The following ZRSR2 variants were observed in gnomAD, a reference collection of about 807,000 sequenced individuals.
ZRSR2 encodes the protein zinc finger CCCH-type, RNA binding motif and serine/arginine rich 2, also known as U2 small nuclear ribonucleoprotein auxiliary factor 35 kDa subunit-related protein 2.
In ZRSR2, 3 loss-of-function variants were observed where a neutral mutation model predicts 39.4. The ratio of observed to expected loss-of-function variants is 0.08; its 90% CI spans 0.03 to 0.20. ZRSR2 has a LOEUF of 0.20. Ranked by LOEUF, ZRSR2 falls within the 10% of genes least tolerant of loss-of-function variation. ZRSR2 has a pLI of 1.00. For missense variants in ZRSR2, 256 were observed against 391.5 expected (o/e 0.65, Z 2.92); for synonymous variants, 137 against 136.0 (o/e 1.01, Z -0.05).
chrX:15,818,062 C>T (rs1297253316), intron 8 of ZRSR2, among the ~76,000 whole-genome samples: 1 of 111,671 alleles, frequency 9.0e-6, no homozygotes, highest in Non-Finnish European at 1.9e-5. Context: ...TGGGTTTTGG[C>T]ATGCATATGA....
chrX:15,799,386 G>A (rs1932589923), intron 2 of ZRSR2, among the ~76,000 whole-genome samples: 1 of 108,560 alleles, frequency 9.2e-6, no homozygotes, highest in Non-Finnish European at 1.9e-5. Flanking sequence ...TTCTACTTAA[G>A]TTTTTCTCCA....
At chrX:15,818,725 G>T in intron 9 of ZRSR2, 83 bp downstream of exon 9, 1 of 727,205 alleles carries the variant, frequency 1.4e-6, no homozygotes, top group Admixed American at 3.1e-5. Context: ...TTTTTCCACT[G>T]GATATATAAC....
At chrX:15,818,193 C>T (rs978040497) in intron 8 of ZRSR2, among the ~76,000 whole-genome samples, 2 of 112,233 alleles carry the variant, frequency 1.8e-5, no homozygotes, top group African/African-American at 6.5e-5. Context: ...AGAGTGTTCA[C>T]CTATGTGATG....
intron 2 of ZRSR2, among the ~76,000 whole-genome samples, chrX:15,792,077 A>G (rs1243646356): frequency 8.9e-6 from 1 of 112,071 alleles, no homozygotes; most frequent in African/African-American, 3.2e-5. Flanking sequence ...AAGTGCTGGG[A>G]TTATAGGCAT....
rs1932845437 is a variant in ZRSR2, at chrX:15,809,325, A to C, written c.557+7A>C. ...CTTGCAGATTTGGAGATAGGTAACTAATTTTGTTTTATCATGTCAGAATGA... is the reference window on the plus strand; with the variant it reads ...CTTGCAGATTTGGAGATAGGTAACTCATTTTGTTTTATCATGTCAGAATGA... On this transcript the variant is annotated splice_region_variant and intron_variant, in intron 7 of 10. Coordinates refer to ENST00000307771, the MANE Select transcript of ZRSR2 (RefSeq NM_005089.4). The C allele has an allele frequency of 8.7e-7, 1 of 1,153,764 alleles. No individual in the cohort carries two copies. Among genetic ancestry groups the C allele is most frequent in the African/African-American group, 1.8e-5 (1 of 56,671 alleles).
At chrX:15,813,558 A>G (rs964141819) in intron 7 of ZRSR2, among the ~76,000 whole-genome samples, 1 of 112,098 alleles carries the variant, frequency 8.9e-6, no homozygotes, top group East Asian at 2.8e-4. Flanking sequence ...GCCAGATGGG[A>G]TTTTTCCCCA....
intron 2 of ZRSR2, among the ~76,000 whole-genome samples, chrX:15,793,519 A>G (rs753994162): frequency 9.0e-6 from 1 of 111,178 alleles, no homozygotes; most frequent in African/African-American, 3.3e-5. Context: ...TACTTCATGA[A>G]TACTGTAGAC....
intron 2 of ZRSR2, among the ~76,000 whole-genome samples, chrX:15,797,493 A>T (rs1361884675): frequency 1.8e-5 from 2 of 111,882 alleles, no homozygotes; most frequent in Non-Finnish European, 3.8e-5. Context: ...TCCAGGCATG[A>T]GCCACCACGC....
intron 3 of ZRSR2, among the ~76,000 whole-genome samples, chrX:15,803,227 C>T (rs1342824372): frequency 4.5e-5 from 5 of 110,542 alleles, no homozygotes; most frequent in Non-Finnish European, 1.9e-5. Context: ...CATGCCACTG[C>T]ACTCCAGCCT....
intron 3 of ZRSR2, among the ~76,000 whole-genome samples, chrX:15,800,186 CTTTTTTTTTTT>C (rs752445746): frequency 2.5e-5 from 2 of 79,307 alleles, no homozygotes; most frequent in African/African-American, 4.7e-5. Flanking sequence ...TTTTTTCTTT[CTTTTTTTTTTT>C]TTTTTTTTTA....
intron 8 of ZRSR2, among the ~76,000 whole-genome samples, chrX:15,816,491 A>G (rs1932979564): frequency 1.8e-5 from 2 of 112,032 alleles, no homozygotes; most frequent in Admixed American, 1.9e-4. Flanking sequence ...TATACAAACC[A>G]TGGTCTGTGA....
chrX:15,800,855 A>G (rs1018921916), intron 3 of ZRSR2, among the ~76,000 whole-genome samples: 1 of 112,277 alleles, frequency 8.9e-6, no homozygotes, highest in African/African-American at 3.2e-5. Flanking sequence ...TTGGTTTTTC[A>G]CTCATATGTA....
intron 1 of ZRSR2, 38 bp from the exon 2 acceptor site, chrX:15,790,896 T>TAGCC (rs1569061778): frequency 8.6e-7 from 1 of 1,161,269 alleles, no homozygotes; most frequent in Admixed American, 2.2e-5. Context: ...CGCTGCATTG[T>TAGCC]AGCCGCTGAT....
chrX:15,803,440 C>CAT (rs1601814130), intron 3 of ZRSR2, among the ~76,000 whole-genome samples: 1 of 111,323 alleles, frequency 9.0e-6, no homozygotes, highest in African/African-American at 3.3e-5. Context: ...ATGTCACAGC[C>CAT]ATATATACCT....
chrX:15,803,943 C>CAA (rs1932751573), intron 4 of ZRSR2, 147 bp downstream of exon 4: 1 of 656,809 alleles, frequency 1.5e-6, no homozygotes, highest in Admixed American at 7.5e-5. Flanking sequence ...AACTCCATCT[C>CAA]AAAAAGAAAA....
At chrX:15,813,787 A>G (rs1172401399) in intron 7 of ZRSR2, among the ~76,000 whole-genome samples, 2 of 111,902 alleles carry the variant, frequency 1.8e-5, no homozygotes, top group Non-Finnish European at 3.8e-5. Flanking sequence ...TTCTATCAGT[A>G]GTTGGGAAGA....
chrX:15,809,911 G>GT (rs1932854038), intron 7 of ZRSR2, among the ~76,000 whole-genome samples: 1 of 112,431 alleles, frequency 8.9e-6, no homozygotes, highest in Admixed American at 9.4e-5. Flanking sequence ...TCTGTTGTCA[G>GT]TGAGTGTGCC....
At chrX:15,801,313 C>T in intron 3 of ZRSR2, 1 of 247,406 alleles carries the variant, frequency 4.0e-6, no homozygotes, top group African/African-American at 2.8e-5. Flanking sequence ...ACCGCAACCT[C>T]CACCTCCCAG....
chrX:15,814,360 A>C (rs964424961), intron 7 of ZRSR2, among the ~76,000 whole-genome samples: 1 of 112,042 alleles, frequency 8.9e-6, no homozygotes, highest in South Asian at 3.7e-4. Flanking sequence ...CAGGTATGGT[A>C]GCTCACACCT....
Sources: allele counts gnomAD v4.1 joint callset (sites outside exome capture counted in the v4.1 genomes callset), GRCh38; gene constraint gnomAD v4.1.1; transcripts MANE v1.5; gene names NCBI Gene and HGNC (gene_info 2026-07-23, HGNC 2026-07-21).